AGAP1: variants seen among roughly 807,000 people sequenced by gnomAD.
AGAP1 encodes arf-GAP with GTPase, ANK repeat and PH domain-containing protein 1.
A neutral mutation model predicts 105.3 loss-of-function variants in AGAP1; 29 were observed. The ratio of observed to expected loss-of-function variants is 0.28; its 90% confidence interval spans 0.21 to 0.38. AGAP1 has a LOEUF of 0.38. Among genes scored for constraint, AGAP1 ranks in the 10% least tolerant of loss-of-function variants. The pLI is 1.00. For synonymous variants in AGAP1, 509 were observed against 485.9 expected, an observed-to-expected ratio of 1.05 and a Z score of -0.63; for missense variants, 998 against 1,165.1, an observed-to-expected ratio of 0.86 and a Z score of 2.09.
At chr2:235,771,396 C>T (rs989163215) in intron 6 of AGAP1, among the ~76,000 whole-genome samples, 2 of 152,172 alleles carry the variant, frequency 1.3e-5, no homozygotes, top group African/African-American at 4.8e-5. Flanking sequence ...CACGTGGGCA[C>T]AGCTGGGAGC....
intron 6 of AGAP1, among the ~76,000 whole-genome samples, chr2:235,768,807 C>G (rs918991149): frequency 6.6e-6 from 1 of 152,164 alleles, no homozygotes; most frequent in African/African-American, 2.4e-5. Flanking sequence ...ACAGTGTTGT[C>G]GGGGATCTGG....
chr2:235,654,292 A>G (rs1411447772), intron 1 of AGAP1, among the ~76,000 whole-genome samples: 1 of 152,110 alleles, frequency 6.6e-6, no homozygotes, highest in African/African-American at 2.4e-5. Context: ...GTGGCATGTG[A>G]CATCTTTGAC....
intron 1 of AGAP1, among the ~76,000 whole-genome samples, chr2:235,539,990 G>A (rs763205467): frequency 1.3e-5 from 2 of 152,062 alleles, no homozygotes; most frequent in East Asian, 1.9e-4. Flanking sequence ...ACTCTGGACC[G>A]CCCCATCCCT....
At chr2:235,560,617 G>A (rs918455730) in intron 1 of AGAP1, among the ~76,000 whole-genome samples, 1 of 152,192 alleles carries the variant, frequency 6.6e-6, no homozygotes, top group Non-Finnish European at 1.5e-5. Context: ...TTGCAGCACT[G>A]TTGGCTTTGA....
Position 235,957,844 on chromosome 2 carries a change from C to T in AGAP1, c.1484-10618C>T, listed in dbSNP as rs1239180953. On this transcript the variant is annotated intron_variant, in intron 12 of 17. Coordinates refer to ENST00000304032, the MANE Select transcript of AGAP1 (RefSeq NM_001037131.3). This position sits in a 1 kb window ranked among gnomAD's most constrained non-coding sequence, Gnocchi z 4.6. ...GACTTCATCTTGAGTTCACAGGGGGCTTCAGCCCTCAACTGATTTCCTCTC... is the reference window on the plus strand; with the variant it reads ...GACTTCATCTTGAGTTCACAGGGGGTTTCAGCCCTCAACTGATTTCCTCTC... Among the ~76,000 whole-genome samples, 2 of 152,298 alleles carry T rather than the reference C, an allele frequency of 1.3e-5. No individual in the cohort carries two copies. Among genetic ancestry groups the T allele is most frequent in the South Asian group, 2.1e-4 (1 of 4,832 alleles).
In AGAP1 at chr2:235,972,442, G is replaced by C. The variant is rs555813277; in HGVS notation, c.1645+3819G>C. ...GGGGCTCCCCGGCTGGTTCGCCGAG[G>C]AGTCTTCCTGGGCCTGTCTGCAGAG... On this transcript the variant is annotated intron_variant, in intron 13 of 17. Transcript: ENST00000304032. 2.0e-5 allele frequency among the ~76,000 whole-genome samples: 3 copies of C among 152,306 alleles called. No homozygotes were observed. In the South Asian group the frequency reaches 6.2e-4, roughly 32 times the overall value.
chr2:236,107,415 A>G (rs2059527122), intron 16 of AGAP1, among the ~76,000 whole-genome samples: 1 of 151,968 alleles, frequency 6.6e-6, no homozygotes, highest in African/African-American at 2.4e-5. Flanking sequence ...CTGGTCCCAC[A>G]TCTCCTTTTT....
In AGAP1 at chr2:235,976,411, T is replaced by C. The variant is rs190418317; in HGVS notation, c.1645+7788T>C. Among the ~76,000 whole-genome samples the C allele has an allele frequency of 1.5e-3, 226 of 152,214 alleles. 1 individual carries two copies. Among genetic ancestry groups the C allele is most frequent in the African/African-American group, 5.3e-3 (221 of 41,546 alleles). On this transcript the variant is annotated intron_variant, in intron 13 of 17. Transcript: ENST00000304032. The surrounding 1 kb of genome is among the most constrained non-coding windows in gnomAD (Gnocchi z 4.5). ...CAAGCAGTAAGCGCTCTCAGATCCT[T>C]TGTGGAAGCCAGCAGGTCGGAAATA... is the stretch of plus-strand genomic sequence containing the variant.
chr2:236,079,030 G>A (rs772903517), intron 16 of AGAP1, among the ~76,000 whole-genome samples: 1 of 146,176 alleles, frequency 6.8e-6, no homozygotes, highest in Non-Finnish European at 1.5e-5. Context: ...GGTGTAGGAG[G>A]TGGTTGAAAC....
At chr2:235,715,980 T>C (rs1288543830) in intron 2 of AGAP1, among the ~76,000 whole-genome samples, 2 of 152,148 alleles carry the variant, frequency 1.3e-5, no homozygotes, top group East Asian at 1.9e-4. Context: ...TACGGATGTA[T>C]ATAAAGTCCT....
rs1948053310 is a variant in AGAP1, at chr2:235,664,194, T to C, written c.164-44985T>C. Among the ~76,000 whole-genome samples the C allele has an allele frequency of 6.6e-6, 1 of 152,068 alleles. No homozygotes were observed. Among genetic ancestry groups the C allele is most frequent in the African/African-American group, 2.4e-5 (1 of 41,398 alleles). On this transcript the variant is annotated intron_variant, in intron 1 of 17. Coordinates refer to ENST00000304032, the MANE Select transcript of AGAP1 (RefSeq NM_001037131.3). This position sits in a 1 kb window ranked among gnomAD's most constrained non-coding sequence, Gnocchi z 5.7. ...TAAAACGATGCTTAATAGATTGGAT[T>C]TTAATATATAGTTTGTTTTTTTGTT... is the stretch of plus-strand genomic sequence containing the variant.
rs1464301133 is a variant in AGAP1 at position 235,919,130 on chromosome 2, G to T, written c.1324+10224G>T. Among the ~76,000 whole-genome samples, 1 of 152,100 alleles carries T rather than the reference G, an allele frequency of 6.6e-6. No individual in the cohort carries two copies. Among genetic ancestry groups the T allele is most frequent in the East Asian group, 1.9e-4 (1 of 5,180 alleles). ...GCAGGGTCAGCTGTGGGAAAGAGGA[G>T]GTGCCCGGAAGAGCCTCTGTGAATT... is the stretch of plus-strand genomic sequence containing the variant. On this transcript the variant is annotated intron_variant, in intron 11 of 17. Transcript: ENST00000304032. The surrounding 1 kb of genome is among the most constrained non-coding windows in gnomAD (Gnocchi z 4.1).
intron 1 of AGAP1, among the ~76,000 whole-genome samples, chr2:235,590,692 C>CGTGTGCGTGTGT (rs1553574186): frequency 2.8e-5 from 2 of 72,558 alleles, no homozygotes; most frequent in African/African-American, 6.8e-5. Flanking sequence ...TGTGCGTGTG[C>CGTGTGCGTGTGT]GTGTGTGTGT....
chr2:235,621,601 A>G lies in AGAP1; in HGVS notation c.164-87578A>G, dbSNP rs111454333. 2.0e-5 allele frequency among the ~76,000 whole-genome samples: 3 copies of G among 152,130 alleles called. No individual in the cohort carries two copies. The highest frequency in any genetic ancestry group is 4.4e-5 in the Non-Finnish European group (3 of 68,026). On this transcript the variant is annotated intron_variant, in intron 1 of 17. Coordinates refer to ENST00000304032, the MANE Select transcript of AGAP1 (RefSeq NM_001037131.3). This position sits in a 1 kb window ranked among gnomAD's most constrained non-coding sequence, Gnocchi z 4.1. ...CCCCAATGGCCCCTGCCCATCATGC[A>G]TTTAGGGGCTCCTCTGACTCCAGAT...
chr2:235,636,655 T>C (rs1947012374), intron 1 of AGAP1, among the ~76,000 whole-genome samples: 3 of 152,294 alleles, frequency 2.0e-5, no homozygotes, highest in South Asian at 4.2e-4. Flanking sequence ...AGGACTCCGC[T>C]GGCCCAGAGG....
At chr2:235,561,238 A>C (rs1259499028) in intron 1 of AGAP1, among the ~76,000 whole-genome samples, 1 of 152,134 alleles carries the variant, frequency 6.6e-6, no homozygotes, top group Non-Finnish European at 1.5e-5. Context: ...CGCTGTTTCC[A>C]ATGTTATTTC....
At chr2:235,512,100 T>G in intron 1 of AGAP1, among the ~76,000 whole-genome samples, 1 of 85,740 alleles carries the variant, frequency 1.2e-5, no homozygotes, top group African/African-American at 4.5e-5. Flanking sequence ...TGTGTGTGTG[T>G]GTGAATGTGT....
In AGAP1 at chr2:235,535,196, C is replaced by G. The variant is rs1365959268; in HGVS notation, c.163+40347C>G. ...CCGGGCCACCCGCACCAGGTTGCCT[C>G]CCATCGTTTGCAGGAGCGGAAGACC... On this transcript the variant is annotated intron_variant, in intron 1 of 17. Coordinates refer to ENST00000304032, the MANE Select transcript of AGAP1 (RefSeq NM_001037131.3). The surrounding 1 kb of genome is among the most constrained non-coding windows in gnomAD (Gnocchi z 5.1). 6.6e-6 allele frequency among the ~76,000 whole-genome samples: 1 copy of G among 152,070 alleles called. No homozygotes were observed. The highest frequency in any genetic ancestry group is 1.5e-5 in the Non-Finnish European group (1 of 68,006).
chr2:236,100,171 C>G (rs1473013154), intron 16 of AGAP1, among the ~76,000 whole-genome samples: 2 of 152,296 alleles, frequency 1.3e-5, no homozygotes, highest in South Asian at 4.1e-4. Context: ...ACCCCTGAGG[C>G]CCCCTCCGTG....
Sources: allele counts gnomAD v4.1 joint callset (sites outside exome capture counted in the v4.1 genomes callset), GRCh38; gene constraint gnomAD v4.1.1; non-coding constraint Gnocchi (gnomAD v3.1); transcripts MANE v1.5; gene names NCBI Gene and HGNC (gene_info 2026-07-23, HGNC 2026-07-21).